The following PDXDC1 variants were observed in gnomAD, a reference collection of about 807,000 sequenced individuals.
PDXDC1 encodes pyridoxal-dependent decarboxylase domain-containing protein 1.
A neutral mutation model predicts 100.1 loss-of-function variants in PDXDC1; 42 were observed. The observed-to-expected ratio is 0.42, with a 90% CI of 0.33 to 0.54. PDXDC1 has a LOEUF of 0.54. Ranked by LOEUF, PDXDC1 falls within the 20% of genes least tolerant of loss-of-function variation. The pLI, the probability that PDXDC1 is intolerant of heterozygous loss-of-function variation, is 0.10. For missense variants in PDXDC1, 636 were observed against 979.2 expected (o/e 0.65, Z 4.68); for synonymous variants, 260 against 371.7 (o/e 0.70, Z 3.46).
intron 16 of PDXDC1, chr16:15,056,010 G>GGCCCCCCGCTTTGCA: frequency 8.9e-7 from 1 of 1,119,124 alleles, no homozygotes; most frequent in Non-Finnish European, 1.1e-6. Flanking sequence ...GGGAGGCGGC[G>GGCCCCCCGCTTTGCA]GCCCCCCGCT....
chr16:15,073,017 A>G (rs765339000), intron 16 of PDXDC1: 1 of 1,613,376 alleles, frequency 6.2e-7, no homozygotes, highest in Non-Finnish European at 8.5e-7. Context: ...GGGCAACAGG[A>G]GTTTGTCAAA....
chr16:15,076,683 G>C (rs762303545), intron 16 of PDXDC1: 4 of 1,442,232 alleles, frequency 2.8e-6, no homozygotes, highest in Non-Finnish European at 2.9e-6. Context: ...AAGAATAAAA[G>C]GATTTAAAAA....
chr16:15,125,181 A>G (rs1348855513), intron 16 of PDXDC1: 2 of 425,732 alleles, frequency 4.7e-6, no homozygotes, highest in Non-Finnish European at 8.3e-6. Flanking sequence ...AAAAAAAAAG[A>G]AGCCCTAGAT....
intron 16 of PDXDC1, among the ~76,000 whole-genome samples, chr16:15,059,801 G>A (rs765592669): frequency 3.3e-5 from 5 of 152,122 alleles, no homozygotes; most frequent in Non-Finnish European, 7.3e-5. Context: ...CCTTGGACCT[G>A]CTCAAGCCTC....
At chr16:15,149,609 A>T in the PDXDC1 span, among the ~76,000 whole-genome samples, 1 of 151,702 alleles carries the variant, frequency 6.6e-6, no homozygotes, top group African/African-American at 2.4e-5. Context: ...ACTCTCCCAC[A>T]CTCTCCTGTC....
At chr16:15,040,152 AAGAG>A (rs2043746636), downstream of PDXDC1, 4 of 719,098 alleles carry the variant, frequency 5.6e-6, no homozygotes, top group Non-Finnish European at 2.4e-6. Flanking sequence ...CACCACTCCT[AAGAG>A]AAAGATAGGA....
chr16:15,109,656 C>A (rs2046953445), intron 16 of PDXDC1, among the ~76,000 whole-genome samples: 3 of 18,704 alleles, frequency 1.6e-4, no homozygotes, highest in African/African-American at 3.0e-4. Flanking sequence ...GACTCTGTCT[C>A]AAAAAAAAAA....
intron 1 of PDXDC1, among the ~76,000 whole-genome samples, chr16:14,978,955 G>A (rs2151140248): frequency 1.3e-5 from 2 of 152,400 alleles, no homozygotes; most frequent in African/African-American, 4.8e-5. Context: ...CTCAGTAGAT[G>A]CTAGTCGCAC....
intron 16 of PDXDC1, chr16:15,071,395 A>G (rs1312916711): frequency 2.5e-6 from 2 of 787,948 alleles, no homozygotes; most frequent in Admixed American, 2.8e-5. Context: ...TTTAAAACAC[A>G]TTGAGAGAAT....
intron 16 of PDXDC1, chr16:15,086,073 T>G: frequency 6.6e-7 from 1 of 1,514,690 alleles, no homozygotes; most frequent in Admixed American, 1.9e-5. Context: ...AAGGGGAAGG[T>G]AGTATTTTAA....
At chr16:15,058,088 T>C (rs2044588780) in intron 16 of PDXDC1, among the ~76,000 whole-genome samples, 1 of 151,918 alleles carries the variant, frequency 6.6e-6, no homozygotes, top group Non-Finnish European at 1.5e-5. Flanking sequence ...GAAGGAGGAC[T>C]CACTTGAGCC....
At chr16:15,133,819 T>C (rs980174329) in intron 16 of PDXDC1, 2 of 1,585,802 alleles carry the variant, frequency 1.3e-6, no homozygotes, top group East Asian at 4.6e-5. Flanking sequence ...TGCACCTTGG[T>C]GGTGAGGGCG....
intron 16 of PDXDC1, among the ~76,000 whole-genome samples, chr16:15,103,535 GCT>G (rs1449013307): frequency 3.8e-4 from 57 of 151,606 alleles, no homozygotes; most frequent in African/African-American, 1.4e-3. Context: ...TCAGAGTCTC[GCT>G]CTGTCACCCA....
intron 16 of PDXDC1, among the ~76,000 whole-genome samples, chr16:15,056,740 CTA>C (rs901098842): frequency 7.2e-5 from 11 of 152,286 alleles, no homozygotes; most frequent in Non-Finnish European, 1.0e-4. Flanking sequence ...CTGCAATGAG[CTA>C]TGTTTGGGCA....
downstream of PDXDC1, among the ~76,000 whole-genome samples, chr16:15,144,244 C>A (rs989514756): frequency 6.6e-6 from 1 of 152,234 alleles, no homozygotes; most frequent in African/African-American, 2.4e-5. Flanking sequence ...GTGGCCCCTT[C>A]CTCGCTGGGC....
intron 16 of PDXDC1, among the ~76,000 whole-genome samples, chr16:15,101,295 CAGAT>C (rs1275290070): frequency 1.3e-5 from 2 of 152,146 alleles, no homozygotes; most frequent in Non-Finnish European, 2.9e-5. Flanking sequence ...GGGAGATAGA[CAGAT>C]AGGCACGGTC....
intron 16 of PDXDC1, among the ~76,000 whole-genome samples, chr16:15,090,562 G>A (rs1019077419): frequency 2.4e-4 from 36 of 152,298 alleles, no homozygotes; most frequent in African/African-American, 7.2e-4. Context: ...TCACACCTGT[G>A]AATAGCCAGA....
At position 15,094,281 on chromosome 16, in the gene PDXDC1, C is replaced by A. The variant is rs528569196; in HGVS notation, c.1400-44598C>A. On this transcript the variant is annotated intron_variant, in intron 16 of 16. Coordinates refer to the PDXDC1 transcript ENST00000535621. ...TGCGCCTCAGGCCGGATGCCCAGCT[C>A]CTTCCAGCCACAGCCTCTGTCCCGG... The A allele has an allele frequency of 2.8e-6, 4 of 1,431,450 alleles. No homozygotes were observed. The Admixed American group carries it at 8.1e-5, about 29-fold the overall frequency. The allele number at this position is 1,431,450 out of a possible 1,614,324, so 88.7% of individuals were successfully genotyped here.
At chr16:15,063,086 C>G in intron 16 of PDXDC1, 1 of 833,558 alleles carries the variant, frequency 1.2e-6, no homozygotes, top group Non-Finnish European at 2.1e-6. Flanking sequence ...GGCCTTGACC[C>G]CCTAAAGTGC....
Sources: allele counts gnomAD v4.1 joint callset (sites outside exome capture counted in the v4.1 genomes callset), GRCh38; gene constraint gnomAD v4.1.1; transcripts MANE v1.5; gene names NCBI Gene and HGNC (gene_info 2026-07-23, HGNC 2026-07-21).